The following TBC1D5 variants were observed in gnomAD, a reference collection of about 807,000 sequenced individuals.
TBC1D5 encodes TBC1 domain family member 5.
A neutral mutation model predicts 100.3 loss-of-function variants in TBC1D5; 75 were observed. That is an observed-to-expected ratio of 0.75 (90% CI 0.62 to 0.91). The LOEUF is 0.91. Among genes scored for constraint, TBC1D5 ranks in the 40% least tolerant of loss-of-function variants. The pLI is 0.00. For missense variants in TBC1D5, 910 were observed against 942.4 expected (o/e 0.97, Z 0.45); for synonymous variants, 323 against 325.6 (o/e 0.99, Z 0.09).
At chr3:17,499,357 A>T (rs1233992562) in intron 3 of TBC1D5, among the ~76,000 whole-genome samples, 2 of 152,162 alleles carry the variant, frequency 1.3e-5, no homozygotes, top group Non-Finnish European at 2.9e-5. Context: ...AAGCCAAGTG[A>T]TAACTCTGAT....
intron 18 of TBC1D5, among the ~76,000 whole-genome samples, chr3:17,191,232 T>C (rs937180580): frequency 6.6e-6 from 1 of 152,234 alleles, no homozygotes; most frequent in Non-Finnish European, 1.5e-5. Flanking sequence ...TCTGTGATTC[T>C]GACCAGATAG....
chr3:17,212,810 G>A (rs752779214), intron 18 of TBC1D5, among the ~76,000 whole-genome samples: 124 of 152,100 alleles, frequency 8.2e-4, no homozygotes, highest in Non-Finnish European at 1.6e-3. Flanking sequence ...TATCAAATGC[G>A]TTTGTTTTGA....
intron 13 of TBC1D5, among the ~76,000 whole-genome samples, chr3:17,343,391 G>A (rs1025135149): frequency 4.7e-4 from 71 of 149,694 alleles, no homozygotes; most frequent in African/African-American, 1.4e-3. Flanking sequence ...GAGGATTTTC[G>A]CATCAATGTT....
chr3:17,646,810 T>G (rs553106111), intron 1 of TBC1D5, among the ~76,000 whole-genome samples: 2 of 152,224 alleles, frequency 1.3e-5, no homozygotes, highest in East Asian at 3.9e-4. Context: ...CATGGGTAAA[T>G]GTGCAGGTTT....
intron 2 of TBC1D5, among the ~76,000 whole-genome samples, chr3:17,588,722 C>T (rs2096748025): frequency 6.6e-6 from 1 of 152,106 alleles, no homozygotes; most frequent in African/African-American, 2.4e-5. Context: ...ACATAAACAA[C>T]AGCATGAAAC....
rs938480725 is a variant in TBC1D5, at chr3:17,461,980, A to G, written c.98-33461T>C. ...TCCAATTCCCTCTGAATCTTTTCCA[A>G]TATCTCAGGCAAATTTCAACCCAGT... On this transcript the variant is annotated intron_variant, in intron 3 of 21. Coordinates refer to ENST00000253692, the Ensembl canonical transcript of TBC1D5. 2.6e-5 allele frequency among the ~76,000 whole-genome samples: 4 copies of G among 152,192 alleles called. No individual in the cohort carries two copies. In the East Asian group the frequency reaches 5.8e-4, roughly 22 times the overall value.
chr3:17,463,943 C>CTTTTTTTTTTTT (rs1025162858), intron 3 of TBC1D5, among the ~76,000 whole-genome samples: 5 of 87,530 alleles, frequency 5.7e-5, no homozygotes, highest in African/African-American at 2.3e-4. Context: ...TTCCTTATTC[C>CTTTTTTTTTTTT]TTTTTTTTTT....
At chr3:17,327,645 T>A (rs2151075057) in intron 13 of TBC1D5, among the ~76,000 whole-genome samples, 1 of 152,296 alleles carries the variant, frequency 6.6e-6, no homozygotes, top group Admixed American at 6.5e-5. Context: ...AGTGAGGCCT[T>A]CTCTGACCTC....
chr3:17,256,557 G>A (rs989484817), intron 16 of TBC1D5, among the ~76,000 whole-genome samples: 2 of 151,684 alleles, frequency 1.3e-5, no homozygotes, highest in African/African-American at 4.8e-5. Context: ...TCATGAAGGG[G>A]AGAAAATAAT....
chr3:17,344,952 A>G (rs1343842710), intron 13 of TBC1D5, among the ~76,000 whole-genome samples: 1 of 152,202 alleles, frequency 6.6e-6, no homozygotes, highest in Non-Finnish European at 1.5e-5. Flanking sequence ...TAGACCTAAA[A>G]CCATAAAAAC....
chr3:17,398,070 G>A (rs971736973), intron 8 of TBC1D5, among the ~76,000 whole-genome samples: 5 of 152,010 alleles, frequency 3.3e-5, no homozygotes, highest in East Asian at 1.9e-4. Flanking sequence ...ATATTTTATC[G>A]TGAACTCACT....
At chr3:17,160,816 G>A in exon 22 of TBC1D5, 1 of 1,033,374 alleles carries the variant, frequency 9.7e-7, no homozygotes, top group Non-Finnish European at 1.4e-6. Flanking sequence ...TTCTCTCTAA[G>A]GGGTTTCAAA....
chr3:17,364,861 T>C (rs778693992), intron 13 of TBC1D5, among the ~76,000 whole-genome samples: 17 of 152,224 alleles, frequency 1.1e-4, no homozygotes, highest in Admixed American at 5.2e-4. Flanking sequence ...CAATGAACAC[T>C]GATTGAGTGC....
chr3:17,548,084 G>A (rs1287938895), intron 2 of TBC1D5, among the ~76,000 whole-genome samples: 2 of 152,180 alleles, frequency 1.3e-5, no homozygotes. Flanking sequence ...GGAGGCCAAG[G>A]TGGGTGGATC....
intron 2 of TBC1D5, among the ~76,000 whole-genome samples, chr3:17,529,990 T>G (rs1224764778): frequency 6.6e-6 from 1 of 152,130 alleles, no homozygotes; most frequent in African/African-American, 2.4e-5. Context: ...ACACCTGTAA[T>G]CCCAGCATTT....
rs190371281 is a variant in TBC1D5 at position 17,289,834 on chromosome 3, C to T, written c.1245+2061G>A. Among the ~76,000 whole-genome samples, 123 of 152,266 alleles carry T rather than the reference C, an allele frequency of 8.1e-4. 2 individuals are homozygous for T. In the South Asian group the frequency reaches 0.012, roughly 14 times the overall value. The stretch of plus-strand genomic sequence containing the variant: ...CCCAATTCCTAACTCAGGTTCCTTA[C>T]GGAACACTACACTGCCACAGGCCCA... On this transcript the variant is annotated intron_variant, in intron 15 of 21. Transcript: ENST00000253692.
chr3:17,367,669 T>C (rs1440364418), intron 13 of TBC1D5, among the ~76,000 whole-genome samples: 1 of 151,952 alleles, frequency 6.6e-6, no homozygotes, highest in African/African-American at 2.4e-5. Context: ...GACCTGCCTA[T>C]CCAATGTGGT....
chr3:17,424,866 G>C (rs1006848506), intron 4 of TBC1D5, among the ~76,000 whole-genome samples: 2 of 151,896 alleles, frequency 1.3e-5, no homozygotes, highest in African/African-American at 2.4e-5. Flanking sequence ...AAATTTATTT[G>C]TCAAAGTTCC....
chr3:17,480,620 C>T (rs1034373223), intron 3 of TBC1D5, among the ~76,000 whole-genome samples: 1 of 152,116 alleles, frequency 6.6e-6, no homozygotes, highest in African/African-American at 2.4e-5. Context: ...AAGCGCTGGA[C>T]ATTCATTAGG....
Sources: allele counts gnomAD v4.1 joint callset (sites outside exome capture counted in the v4.1 genomes callset), GRCh38; gene constraint gnomAD v4.1.1; transcripts MANE v1.5; gene names NCBI Gene and HGNC (gene_info 2026-07-23, HGNC 2026-07-21).